Variants in GPATCH8 observed in about 807,000 individuals in gnomAD.
GPATCH8 encodes G-patch domain containing 8, also known as G patch domain-containing protein 8.
A neutral mutation model predicts 118.3 loss-of-function variants in GPATCH8; 18 were observed. The ratio of observed to expected loss-of-function variants is 0.15; its 90% CI spans 0.11 to 0.23. The LOEUF (loss-of-function observed/expected upper bound fraction) is 0.23. GPATCH8 is among the 10% of genes least tolerant of loss of function. GPATCH8 has a pLI of 1.00. For synonymous variants in GPATCH8, 659 were observed against 684.7 expected (o/e 0.96, Z 0.59); for missense variants, 1,631 against 1,873.8 (o/e 0.87, Z 2.39).
intron 3 of GPATCH8, among the ~76,000 whole-genome samples, chr17:44,454,511 G>A (rs2051252963): frequency 6.6e-6 from 1 of 152,168 alleles, no homozygotes; most frequent in Non-Finnish European, 1.5e-5. Context: ...TCCGTACTGA[G>A]AAACAAGTAG....
chr17:44,411,926 A>AT (rs1415205091), intron 6 of GPATCH8, among the ~76,000 whole-genome samples: 3 of 152,228 alleles, frequency 2.0e-5, no homozygotes, highest in Non-Finnish European at 2.9e-5. Flanking sequence ...GACTGTGTCT[A>AT]TAAAAAAAAA....
intron 3 of GPATCH8, among the ~76,000 whole-genome samples, chr17:44,462,754 G>C (rs917051717): frequency 6.6e-6 from 1 of 151,998 alleles, no homozygotes; most frequent in African/African-American, 2.4e-5. Context: ...AGGCCGAGGC[G>C]GGCGGATCAC....
chr17:44,449,769 T>TC (rs2051046967), intron 3 of GPATCH8, among the ~76,000 whole-genome samples: 1 of 152,154 alleles, frequency 6.6e-6, no homozygotes, highest in Non-Finnish European at 1.5e-5. Context: ...CGCCTCAGCC[T>TC]CCCAGAGTGC....
At chr17:44,421,844 G>A (rs1319597694) in intron 6 of GPATCH8, among the ~76,000 whole-genome samples, 2 of 150,772 alleles carry the variant, frequency 1.3e-5, no homozygotes, top group Non-Finnish European at 1.5e-5. Flanking sequence ...CTCGTGCCTC[G>A]AACCCCCAAG....
At chr17:44,420,042 T>C (rs2049838878) in intron 6 of GPATCH8, among the ~76,000 whole-genome samples, 1 of 151,952 alleles carries the variant, frequency 6.6e-6, no homozygotes, top group African/African-American at 2.4e-5. Flanking sequence ...TACATGGTTT[T>C]TTTTTTTTTT....
chr17:44,434,160 T>A (rs2050417099), intron 5 of GPATCH8, among the ~76,000 whole-genome samples: 1 of 150,734 alleles, frequency 6.6e-6, no homozygotes, highest in Non-Finnish European at 1.5e-5. Flanking sequence ...ATAATAATAA[T>A]AAAATAAATA....
At chr17:44,466,506 T>C (rs1020862990) in intron 2 of GPATCH8, among the ~76,000 whole-genome samples, 18 of 152,112 alleles carry the variant, frequency 1.2e-4, no homozygotes, top group Admixed American at 3.3e-4. Flanking sequence ...CACAAAAATA[T>C]AATATAACAC....
intron 1 of GPATCH8, among the ~76,000 whole-genome samples, chr17:44,482,697 A>C (rs1476902217): frequency 6.6e-6 from 1 of 152,092 alleles, no homozygotes. Flanking sequence ...CCCAGAACTT[A>C]AAGTAAAATT....
Position 44,399,546 on chromosome 17 carries a change from T to C in GPATCH8, c.2531A>G (p.Asp844Gly), listed in dbSNP as rs770635748. 1 of 1,614,128 alleles carries C rather than the reference T, an allele frequency of 6.2e-7. No homozygotes were observed. The highest frequency in any genetic ancestry group is 1.1e-5 in the South Asian group (1 of 91,080). ...SQYSEEEEEE[D>G]SGSEHSRSRS... ...GCTGCGGGAATGCTCACTGCCTGAA[T>C]CTTCCTCTTCTTCTTCCTCACTGTA... is the stretch of plus-strand genomic sequence containing the variant. The change falls in exon 8 of 8, where the codon GAT becomes GGT. Residue 844 changes from aspartate to glycine, a missense_variant. Asp to Gly is a moderately conservative substitution (Grantham distance 94). Around this residue, in one of 8 missense-constraint regions of GPATCH8, gnomAD observed 922 missense variants for 879.7 expected, o/e 1.05. Transcript: ENST00000591680.
rs530143857 is a variant in GPATCH8 at position 44,431,956 on chromosome 17, A to G, written c.348+3109T>C. ...AATTAGAGATGAGAGAGTGATGAAA[A>G]GGAAGCAGTCAGAGTAGTGACTAAG... On this transcript the variant is annotated intron_variant, in intron 5 of 7. Coordinates refer to ENST00000591680, the MANE Select transcript of GPATCH8 (RefSeq NM_001002909.4). Among the ~76,000 whole-genome samples, 7 of 152,212 alleles carry G rather than the reference A, an allele frequency of 4.6e-5. No homozygotes were observed. The South Asian group carries it at 1.2e-3, about 27-fold the overall frequency.
intron 3 of GPATCH8, 56 bp downstream of exon 3, chr17:44,464,416 A>G (rs2051680568): frequency 3.0e-6 from 3 of 994,586 alleles, no homozygotes; most frequent in Non-Finnish European, 3.3e-6. Context: ...TTCAGGTACA[A>G]GATCTGCATC....
At chr17:44,429,839 G>A (rs2050237856) in intron 5 of GPATCH8, among the ~76,000 whole-genome samples, 1 of 150,480 alleles carries the variant, frequency 6.6e-6, no homozygotes, top group South Asian at 2.1e-4. Flanking sequence ...ACCCCAACTT[G>A]AGTGACAGAG....
At chr17:44,436,935 T>C (rs2050532772) in intron 3 of GPATCH8, 1 of 176,528 alleles carries the variant, frequency 5.7e-6, no homozygotes, top group African/African-American at 2.4e-5. Context: ...CACAACTTTT[T>C]AACCTAGTTT....
intron 3 of GPATCH8, among the ~76,000 whole-genome samples, chr17:44,444,891 C>G (rs1478231360): frequency 6.6e-6 from 1 of 152,202 alleles, no homozygotes; most frequent in Non-Finnish European, 1.5e-5. Context: ...TTTGTTGACT[C>G]AGAGAATGAA....
At chr17:44,435,411 C>CTTTCT in intron 4 of GPATCH8, among the ~76,000 whole-genome samples, 1 of 99,754 alleles carries the variant, frequency 1.0e-5, no homozygotes, top group Non-Finnish European at 1.9e-5. Context: ...TCTTTCTTTC[C>CTTTCT]TTTTTTTTTT....
At chr17:44,497,950 GAAAAA>G (rs753236955) in intron 1 of GPATCH8, among the ~76,000 whole-genome samples, 39 of 150,946 alleles carry the variant, frequency 2.6e-4, no homozygotes, top group Non-Finnish European at 4.6e-4. Context: ...AAAAAAAAAA[GAAAAA>G]AAGAAAAGAA....
At chr17:44,489,864 G>A (rs972339831) in intron 1 of GPATCH8, among the ~76,000 whole-genome samples, 1 of 152,158 alleles carries the variant, frequency 6.6e-6, no homozygotes. Context: ...AAAACATTCA[G>A]TATGGCGTCT....
intron 3 of GPATCH8, among the ~76,000 whole-genome samples, chr17:44,453,500 G>GGTGT (rs56962134): frequency 0.051 from 7,268 of 142,710 alleles, 254 homozygotes; most frequent in Non-Finnish European, 0.058. Flanking sequence ...GGTAGGTAGG[G>GGTGT]GTGTGTGTGT....
chr17:44,400,071 G>C lies in GPATCH8; in HGVS notation c.2006C>G (p.Ser669Cys). Residue 669 changes from serine to cysteine, a missense_variant, in exon 8 of 8, where the codon TCT becomes TGT. Coordinates refer to ENST00000591680, the MANE Select transcript of GPATCH8 (RefSeq NM_001002909.4). ...GRSLPSKKER[S>C]GKSHRHKKKK... ...CTTTTTGTGCCGGTGGGACTTCCCA[G>C]ATCGTTCTTTCTTGCTGGGAAGGCT... The C allele has an allele frequency of 6.2e-7, 1 of 1,613,936 alleles. No homozygotes were observed. Among genetic ancestry groups the C allele is most frequent in the Non-Finnish European group, 8.5e-7 (1 of 1,180,014 alleles).
Sources: allele counts gnomAD v4.1 joint callset (sites outside exome capture counted in the v4.1 genomes callset), GRCh38; gene constraint gnomAD v4.1.1; regional missense constraint gnomAD v4.1.1; transcripts MANE v1.5; gene names NCBI Gene and HGNC (gene_info 2026-07-23, HGNC 2026-07-21).